The following NCKAP5 variants were observed in gnomAD, a reference collection of about 807,000 sequenced individuals.
NCKAP5 encodes the protein NCK associated protein 5.
NCKAP5 carries 92 observed loss-of-function variants against 167.0 expected under a neutral mutation model. That is an observed-to-expected ratio of 0.55 (90% CI 0.47 to 0.66). NCKAP5 has a LOEUF of 0.66. NCKAP5 is among the 30% of genes least tolerant of loss of function. NCKAP5 has a pLI of 0.00. For synonymous variants in NCKAP5, 891 were observed against 877.4 expected, an observed-to-expected ratio of 1.02 and a Z score of -0.27; for missense variants, 2,378 against 2,315.0, an observed-to-expected ratio of 1.03 and a Z score of -0.56.
intron 2 of NCKAP5, among the ~76,000 whole-genome samples, chr2:133,547,846 T>A (rs1418105170): frequency 1.4e-5 from 2 of 147,894 alleles, no homozygotes; most frequent in South Asian, 2.2e-4. Context: ...GGAACGCAGT[T>A]CCTCACCAGC....
At chr2:133,026,022 T>C (rs990012765) in intron 6 of NCKAP5, among the ~76,000 whole-genome samples, 10 of 152,190 alleles carry the variant, frequency 6.6e-5, no homozygotes, top group Admixed American at 3.9e-4. Flanking sequence ...TTTCTTGGCT[T>C]TTTAATACCT....
chr2:132,773,879 C>A lies in NCKAP5; in HGVS notation c.5065G>T (p.Glu1689Ter), dbSNP rs754347301. The A allele has an allele frequency of 2.5e-6, 4 of 1,610,606 alleles. No homozygotes were observed. The highest frequency in any genetic ancestry group is 3.4e-6 in the Non-Finnish European group (4 of 1,178,928). The change falls in exon 16 of 20, where the codon GAA becomes TAA. Residue 1689 changes from glutamate (E) to a stop codon, truncating the protein, a stop_gained. Transcript: ENST00000409261. LOFTEE classifies it high-confidence loss of function. The stretch of plus-strand genomic sequence containing the variant: ...TCGTCTTCATCCTCTTGCAAGTTTT[C>A]ATTTGCCTCTTTTACCTGCAGGAAG... ...PKDSLVKEAN[E>*]NLQEDEDDAV... is the part of the protein sequence containing the mutation.
intron 15 of NCKAP5, among the ~76,000 whole-genome samples, chr2:132,776,708 C>T (rs547208440): frequency 6.6e-6 from 1 of 152,218 alleles, no homozygotes; most frequent in African/African-American, 2.4e-5. Context: ...AAAAAAAATC[C>T]ATTTGCCTAT....
At chr2:133,087,306 G>A (rs1445575234) in intron 6 of NCKAP5, among the ~76,000 whole-genome samples, 1 of 152,120 alleles carries the variant, frequency 6.6e-6, no homozygotes, top group African/African-American at 2.4e-5. Flanking sequence ...CAAATCCAAT[G>A]ACAAAGTAAC....
chr2:133,237,127 A>T (rs903093128), intron 4 of NCKAP5, among the ~76,000 whole-genome samples: 25 of 152,174 alleles, frequency 1.6e-4, no homozygotes, highest in African/African-American at 6.0e-4. Flanking sequence ...TATTGGCTGA[A>T]TCTAGAAAAT....
At chr2:132,881,563 T>G (rs1027689420) in intron 8 of NCKAP5, among the ~76,000 whole-genome samples, 2 of 150,684 alleles carry the variant, frequency 1.3e-5, no homozygotes, top group Non-Finnish European at 3.0e-5. Flanking sequence ...TCTTTTTTTT[T>G]TTTTTTTTCC....
intron 6 of NCKAP5, among the ~76,000 whole-genome samples, chr2:133,030,036 A>G (rs919931397): frequency 1.3e-5 from 2 of 152,220 alleles, no homozygotes; most frequent in Non-Finnish European, 2.9e-5. Flanking sequence ...CACTTGTAGA[A>G]GCTGTTGGTC....
intron 3 of NCKAP5, among the ~76,000 whole-genome samples, chr2:133,313,154 C>T (rs1404887307): frequency 6.6e-6 from 1 of 152,142 alleles, no homozygotes; most frequent in East Asian, 1.9e-4. Flanking sequence ...AAACTAGCTA[C>T]AGAATGACCC....
chr2:133,495,502 T>C (rs1681866262), intron 3 of NCKAP5, among the ~76,000 whole-genome samples: 2 of 152,150 alleles, frequency 1.3e-5, no homozygotes, highest in Non-Finnish European at 2.9e-5. Context: ...AGCCATTACC[T>C]CCCTCAAACC....
At chr2:132,774,023 C>T in intron 15 of NCKAP5, 129 bp from the exon 16 acceptor site, 1 of 695,180 alleles carries the variant, frequency 1.4e-6, no homozygotes, top group Non-Finnish European at 2.4e-6. Context: ...CATGTATATA[C>T]ATGTGTGAGT....
the NCKAP5 span, among the ~76,000 whole-genome samples, chr2:133,591,279 A>C: frequency 6.6e-6 from 1 of 152,218 alleles, no homozygotes; most frequent in East Asian, 1.9e-4. Context: ...TGGGCCCATA[A>C]AGAACTTGGA....
chr2:133,194,596 C>G (rs949012868), intron 5 of NCKAP5, among the ~76,000 whole-genome samples: 3 of 151,948 alleles, frequency 2.0e-5, no homozygotes, highest in African/African-American at 7.3e-5. Context: ...TTCCATGTTC[C>G]TACTATCTAT....
chr2:133,178,346 A>G (rs1435946440), intron 5 of NCKAP5, among the ~76,000 whole-genome samples: 1 of 151,634 alleles, frequency 6.6e-6, no homozygotes, highest in Non-Finnish European at 1.5e-5. Flanking sequence ...AAAAAACATG[A>G]AAATTATCCA....
intron 6 of NCKAP5, among the ~76,000 whole-genome samples, chr2:133,032,725 A>G (rs2078920570): frequency 6.6e-6 from 1 of 152,300 alleles, no homozygotes; most frequent in African/African-American, 2.4e-5. Flanking sequence ...AAAAAACCTG[A>G]GACTGGGTAA....
At chr2:132,972,519 A>AT (rs1312309529) in intron 7 of NCKAP5, among the ~76,000 whole-genome samples, 3 of 152,050 alleles carry the variant, frequency 2.0e-5, no homozygotes, top group African/African-American at 4.8e-5. Flanking sequence ...AGGTTAAGAG[A>AT]TTGAGACCAT....
chr2:133,485,201 A>G (rs1680802151), intron 3 of NCKAP5, among the ~76,000 whole-genome samples: 1 of 152,160 alleles, frequency 6.6e-6, no homozygotes, highest in Non-Finnish European at 1.5e-5. Context: ...AGAAACAAAC[A>G]TTGGTATGTA....
At chr2:133,521,781 T>TAGGGGTTCAACATATGA (rs1200251520) in intron 2 of NCKAP5, among the ~76,000 whole-genome samples, 2 of 152,216 alleles carry the variant, frequency 1.3e-5, no homozygotes, top group East Asian at 3.8e-4. Flanking sequence ...CATTGGGAGT[T>TAGGGGTTCAACATATGA]AGGGGTTCAA....
intron 11 of NCKAP5, among the ~76,000 whole-genome samples, chr2:132,814,340 A>G (rs961096482): frequency 3.9e-5 from 6 of 152,218 alleles, no homozygotes; most frequent in African/African-American, 1.2e-4. Flanking sequence ...ATTGTTATTT[A>G]TGTGGCTTCC....
chr2:133,440,448 C>T (rs1350379940), intron 3 of NCKAP5, among the ~76,000 whole-genome samples: 2 of 152,118 alleles, frequency 1.3e-5, no homozygotes, highest in Non-Finnish European at 2.9e-5. Context: ...CAGTGGCTCA[C>T]ACCTGTAATC....
Sources: allele counts gnomAD v4.1 joint callset (sites outside exome capture counted in the v4.1 genomes callset), GRCh38; gene constraint gnomAD v4.1.1; transcripts MANE v1.5; gene names NCBI Gene and HGNC (gene_info 2026-07-23, HGNC 2026-07-21).